The following CUL2 variants were observed in gnomAD, a reference collection of about 807,000 sequenced individuals.
The protein encoded by CUL2 is cullin 2.
In CUL2, 22 loss-of-function variants were observed where a neutral mutation model predicts 110.2. That is an observed-to-expected ratio of 0.20 (90% CI 0.14 to 0.28). The LOEUF (loss-of-function observed/expected upper bound fraction) is 0.28, where lower values mean the gene tolerates loss of function less well. CUL2 is among the 10% of genes least tolerant of loss of function. CUL2 has a pLI of 1.00. For missense variants in CUL2, 631 were observed against 905.5 expected (o/e 0.70, Z 3.89); for synonymous variants, 279 against 293.2 (o/e 0.95, Z 0.49).
intron 1 of CUL2, among the ~76,000 whole-genome samples, chr10:35,103,306 T>A (rs2087408060): frequency 1.0e-5 from 1 of 95,672 alleles, no homozygotes; most frequent in Non-Finnish European, 2.0e-5. Context: ...CAGGCCAAGC[T>A]AATTTTTTTT....
chr10:35,084,766 T>C (rs2087019628), intron 1 of CUL2, among the ~76,000 whole-genome samples: 1 of 152,168 alleles, frequency 6.6e-6, no homozygotes, highest in African/African-American at 2.4e-5. Context: ...CATGAGCCAG[T>C]CATAAGTCCT....
At position 35,010,338 on chromosome 10, in the gene CUL2, C is replaced by G. The variant is rs771431800; in HGVS notation, c.2211G>C (p.Ser737=). The G allele has an allele frequency of 6.2e-7, 1 of 1,610,874 alleles. No individual in the cohort carries two copies. Among genetic ancestry groups the G allele is most frequent in the Non-Finnish European group, 8.5e-7 (1 of 1,178,652 alleles). The change falls in exon 21 of 21, where the codon TCG becomes TCC. Residue 737 remains serine (S), a synonymous_variant. Coordinates refer to ENST00000374749, the MANE Select transcript of CUL2 (RefSeq NM_003591.4). ...DKQYIERSQA[S]ADEYSYVA is the part of the protein sequence containing the mutation. ...ACGCGACGTAGCTGTATTCATCTGC[C>G]GACGCCTGGCTGCGTTCTATGTATT...
Position 35,031,261 on chromosome 10 carries a change from G to T in CUL2, c.1386+39C>A, listed in dbSNP as rs773398808. 1.6e-6 allele frequency: 2 copies of T among 1,283,164 alleles called. No homozygotes were observed. The highest frequency in any genetic ancestry group is 2.2e-5 in the Admixed American group (1 of 46,160). The allele number at this position is 1,283,164 out of a possible 1,614,324, so 79.5% of individuals were successfully genotyped here. On this transcript the variant is annotated intron_variant, in intron 14 of 20. Coordinates refer to ENST00000374749, the MANE Select transcript of CUL2 (RefSeq NM_003591.4). This position sits in a 1 kb window ranked among gnomAD's most constrained non-coding sequence, Gnocchi z 4.4. ...TGAACATCTTTATGTGCTTGTGAAT[G>T]AATTTCTAGGACAATACCACATTAA...
chr10:35,101,315 C>CAAT (rs1327169534), intron 1 of CUL2, among the ~76,000 whole-genome samples: 12 of 152,204 alleles, frequency 7.9e-5, no homozygotes, highest in African/African-American at 2.7e-4. Flanking sequence ...ACTACAGAAC[C>CAAT]AGTTGCTTTC....
intron 2 of CUL2, among the ~76,000 whole-genome samples, chr10:35,097,213 C>T: frequency 6.6e-6 from 1 of 152,112 alleles, no homozygotes; most frequent in Non-Finnish European, 1.5e-5. Flanking sequence ...CTCACTGCCA[C>T]CCCCTTGATT....
Position 35,013,803 on chromosome 10 carries a change from A to G in CUL2, c.1888-3T>C, listed in dbSNP as rs764094156. On this transcript the variant is annotated splice_polypyrimidine_tract_variant and splice_region_variant and intron_variant, in intron 18 of 20. Coordinates refer to ENST00000374749, the MANE Select transcript of CUL2 (RefSeq NM_003591.4). ...GAAGATTCTGCATCAATATCTTCCT[A>G]CATTTAAAAATAAAACATTTATATT... 6.9e-7 allele frequency: 1 copy of G among 1,442,636 alleles called. No individual in the cohort carries two copies. Among genetic ancestry groups the G allele is most frequent in the South Asian group, 1.5e-5 (1 of 68,340 alleles). The allele number at this position is 1,442,636 out of a possible 1,614,324, so 89.4% of individuals were successfully genotyped here.
In CUL2 at chr10:35,054,528, G is replaced by A. The variant is rs1278479734; in HGVS notation, c.329C>T (p.Thr110Ile). The A allele has an allele frequency of 1.3e-6, 2 of 1,571,918 alleles. No individual in the cohort carries two copies. The highest frequency in any genetic ancestry group is 8.7e-7 in the Non-Finnish European group (1 of 1,153,400). ...TAATTTATTCTTTTTAATAAACTGG[G>A]TGTTGAGATACCTGGAAAATAAATG... ...YMDCLYRYLN[T>I]QFIKKNKLTE... Residue 110 changes from threonine (T) to isoleucine (I), a missense_variant, in exon 5 of 21, where the codon ACC (threonine) becomes ATC (isoleucine). Thr to Ile is a moderately conservative substitution (Grantham distance 89, BLOSUM62 -1). Transcript: ENST00000374749.
intron 9 of CUL2, 53 bp downstream of exon 9, chr10:35,038,867 A>C: frequency 1.6e-6 from 2 of 1,226,168 alleles, no homozygotes; most frequent in Non-Finnish European, 2.3e-6. Flanking sequence ...CTAGAGGATG[A>C]TATAAAAGGT....
At chr10:35,101,352 G>A (rs911880067) in intron 1 of CUL2, among the ~76,000 whole-genome samples, 4 of 152,206 alleles carry the variant, frequency 2.6e-5, no homozygotes, top group African/African-American at 7.2e-5. Context: ...GTCTACCATT[G>A]TAGAAAATGT....
At chr10:35,022,150 G>C (rs1299388727) in intron 17 of CUL2, among the ~76,000 whole-genome samples, 1 of 152,054 alleles carries the variant, frequency 6.6e-6, no homozygotes, top group African/African-American at 2.4e-5. Context: ...TGTCCACTTG[G>C]CGTTTAGAAG....
chr10:35,019,286 G>C (rs552457942), intron 17 of CUL2, among the ~76,000 whole-genome samples: 2 of 152,110 alleles, frequency 1.3e-5, no homozygotes, highest in Non-Finnish European at 2.9e-5. Context: ...TCAGCACCAC[G>C]AGACCCAAAG....
At chr10:35,118,084 T>C (rs951414149) in intron 1 of CUL2, 3 of 152,214 alleles carry the variant, frequency 2.0e-5, no homozygotes, top group Non-Finnish European at 4.4e-5. Context: ...TCATTCTCAG[T>C]GATGTACATT....
chr10:35,125,261 G>A (rs547477139), intron 1 of CUL2, among the ~76,000 whole-genome samples: 33 of 152,230 alleles, frequency 2.2e-4, no homozygotes, highest in African/African-American at 7.9e-4. Context: ...CTCACCTCCA[G>A]TATTGATCTT....
intron 1 of CUL2, among the ~76,000 whole-genome samples, chr10:35,106,305 T>G (rs1023658873): frequency 8.5e-6 from 1 of 117,228 alleles, no homozygotes; most frequent in Non-Finnish European, 1.7e-5. Context: ...GTGTTTTTTG[T>G]TTTTTTTTTT....
Position 35,063,036 on chromosome 10 carries a change from T to C in CUL2, c.146A>G (p.Tyr49Cys). Reference protein sequence around the residue: ...FSDIYALCVAYPEPLGERLYT... With the variant: ...FSDIYALCVACPEPLGERLYT... Reference sequence around the variant, plus strand: ...AAGTCTTTCTCCAAGGGGTTCAGGATAGGCCACACATAAAGCATAGATATC... The same window carrying C: ...AAGTCTTTCTCCAAGGGGTTCAGGACAGGCCACACATAAAGCATAGATATC... The change falls in exon 3 of 21, where the codon TAT becomes TGT. Residue 49 changes from tyrosine to cysteine, a missense_variant. Around this residue, in one of 3 missense-constraint regions of CUL2, gnomAD observed 338 missense variants for 442.5 expected, o/e 0.76. Transcript: ENST00000374749. 6.2e-7 allele frequency: 1 copy of C among 1,605,978 alleles called. No individual in the cohort carries two copies. The highest frequency in any genetic ancestry group is 8.5e-7 in the Non-Finnish European group (1 of 1,173,266).
chr10:35,051,447 A>G (rs1280413629), intron 5 of CUL2, among the ~76,000 whole-genome samples: 1 of 151,552 alleles, frequency 6.6e-6, no homozygotes, highest in Non-Finnish European at 1.5e-5. Context: ...TCCCGTCTCT[A>G]CTAAAAATAC....
At chr10:35,097,045 C>A (rs35136660) in intron 2 of CUL2, among the ~76,000 whole-genome samples, 44,428 of 151,832 alleles carry the variant, frequency 0.29, 7,024 homozygotes, top group South Asian at 0.35. Flanking sequence ...CCTGTCTCCA[C>A]ATGACCCGTC....
intron 17 of CUL2, among the ~76,000 whole-genome samples, chr10:35,021,150 A>C (rs2085170664): frequency 6.6e-6 from 1 of 151,978 alleles, no homozygotes; most frequent in Admixed American, 6.6e-5. Flanking sequence ...TGTAGGGAGC[A>C]CATTACAGTC....
At chr10:35,016,112 C>T in intron 18 of CUL2, 80 bp downstream of exon 18, 1 of 1,168,806 alleles carries the variant, frequency 8.6e-7, no homozygotes, top group Non-Finnish European at 1.2e-6. Context: ...CAATTACAGC[C>T]TTATTTTAAA....
Sources: gnomAD v4.1 joint callset for allele counts (sites outside exome capture counted in the v4.1 genomes callset) on GRCh38, gnomAD v4.1.1 for gene constraint, gnomAD v4.1.1 regional missense constraint, Gnocchi (gnomAD v3.1) non-coding constraint, MANE v1.5 for transcripts, NCBI Gene and HGNC (gene_info 2026-07-23, HGNC 2026-07-21) for gene names.